Variants in PTPRN2 observed in about 807,000 individuals in gnomAD.
The protein encoded by PTPRN2 is receptor-type tyrosine-protein phosphatase N2.
A neutral mutation model predicts 118.8 loss-of-function variants in PTPRN2; 74 were observed. The observed-to-expected ratio is 0.62, with a 90% CI of 0.52 to 0.76. PTPRN2 has a LOEUF of 0.76. Ranked by LOEUF, PTPRN2 falls within the 30% of genes least tolerant of loss-of-function variation. The pLI, the probability that PTPRN2 is intolerant of heterozygous loss-of-function variation, is 0.00. For synonymous variants in PTPRN2, 641 were observed against 608.0 expected (o/e 1.05, Z -0.80); for missense variants, 1,481 against 1,394.4 (o/e 1.06, Z -0.99).
chr7:158,121,422 C>T (rs1164373436), intron 9 of PTPRN2, among the ~76,000 whole-genome samples: 1 of 152,216 alleles, frequency 6.6e-6, no homozygotes, highest in South Asian at 2.1e-4. Context: ...CTGCCTCCCC[C>T]TACAAACTGC....
Position 157,619,132 on chromosome 7 carries a change from C to A in PTPRN2, c.2344+2230G>T, listed in dbSNP as rs558868699. Among the ~76,000 whole-genome samples, 1 of 152,226 alleles carries A rather than the reference C, an allele frequency of 6.6e-6. No individual in the cohort carries two copies. The highest frequency in any genetic ancestry group is 2.1e-4 in the South Asian group (1 of 4,816). On this transcript the variant is annotated intron_variant, in intron 15 of 22. Coordinates refer to ENST00000389418, the MANE Select transcript of PTPRN2 (RefSeq NM_002847.5). The surrounding 1 kb of genome is among the most constrained non-coding windows in gnomAD (Gnocchi z 5.3). ...ACTAGGTCCCTCGCCCCCAACCCCCCCATCCACACTGTACAGACAGAGCCC... is the reference window on the plus strand; with the variant it reads ...ACTAGGTCCCTCGCCCCCAACCCCCACATCCACACTGTACAGACAGAGCCC...
chr7:157,873,950 CTT>C (rs1795552359), intron 12 of PTPRN2, among the ~76,000 whole-genome samples: 4 of 152,180 alleles, frequency 2.6e-5, no homozygotes. Flanking sequence ...GTCCCACTGA[CTT>C]TGACGGCTCT....
At chr7:157,943,570 C>T (rs1406655426) in intron 11 of PTPRN2, among the ~76,000 whole-genome samples, 1 of 151,940 alleles carries the variant, frequency 6.6e-6, no homozygotes, top group African/African-American at 2.4e-5. Context: ...CCCCAGATGC[C>T]CAGACTCCCT....
chr7:158,135,029 C>G (rs373552150), intron 8 of PTPRN2, among the ~76,000 whole-genome samples: 48 of 152,278 alleles, frequency 3.2e-4, no homozygotes, highest in Middle Eastern at 3.4e-3. Context: ...TAGGAAAGAC[C>G]GGGTCTGCTC....
At chr7:158,444,372 A>G (rs1817583017) in intron 2 of PTPRN2, among the ~76,000 whole-genome samples, 1 of 152,192 alleles carries the variant, frequency 6.6e-6, no homozygotes, top group Non-Finnish European at 1.5e-5. Context: ...CTGGGTCCCC[A>G]AGTCCCCACC....
rs1796674541 is a variant in PTPRN2 at position 157,676,477 on chromosome 7, G to T, written c.2001+6248C>A. Among the ~76,000 whole-genome samples, 1 of 152,200 alleles carries T rather than the reference G, an allele frequency of 6.6e-6. No homozygotes were observed. Among genetic ancestry groups the T allele is most frequent in the African/African-American group, 2.4e-5 (1 of 41,448 alleles). On this transcript the variant is annotated intron_variant, in intron 13 of 22. Coordinates refer to ENST00000389418, the MANE Select transcript of PTPRN2 (RefSeq NM_002847.5). The surrounding 1 kb of genome is among the most constrained non-coding windows in gnomAD (Gnocchi z 5.6). ...CCTCATCTCCAAGAAATCATCAACC[G>T]AGAAAAGAAAGGATGTCACCTTTTC...
At chr7:157,582,446 GC>G (rs1800443923) in intron 17 of PTPRN2, among the ~76,000 whole-genome samples, 1 of 152,206 alleles carries the variant, frequency 6.6e-6, no homozygotes, top group African/African-American at 2.4e-5. Context: ...CAAAACCACA[GC>G]GCACTGGCAC....
Position 157,849,796 on chromosome 7 carries a change from C to T in PTPRN2, c.1788+48877G>A, listed in dbSNP as rs1245986858. On this transcript the variant is annotated intron_variant, in intron 12 of 22. Transcript: ENST00000389418. ...CCACAGCTCATGGCCAGGTCTCACT[C>T]AGTGACCACATCTAAGCACAGGGGA... 2.0e-5 allele frequency among the ~76,000 whole-genome samples: 3 copies of T among 152,176 alleles called. No homozygotes were observed. The East Asian group carries it at 5.8e-4, about 29-fold the overall frequency.
chr7:157,728,423 T>C (rs764835048), intron 12 of PTPRN2, among the ~76,000 whole-genome samples: 7 of 152,206 alleles, frequency 4.6e-5, no homozygotes, highest in South Asian at 2.1e-4. Context: ...CTGGCGCCCA[T>C]GGCGGCTGGG....
At chr7:158,125,240 C>T (rs1191744261) in intron 9 of PTPRN2, among the ~76,000 whole-genome samples, 1 of 149,952 alleles carries the variant, frequency 6.7e-6, no homozygotes, top group Non-Finnish European at 1.5e-5. Context: ...CCCCCTGTCT[C>T]GAGTCCCTCC....
chr7:158,247,333 G>T (rs569740845), intron 3 of PTPRN2, among the ~76,000 whole-genome samples: 1 of 152,214 alleles, frequency 6.6e-6, no homozygotes, highest in Non-Finnish European at 1.5e-5. Context: ...GGAGAAGGCC[G>T]TGATGGGAGG....
At chr7:158,472,253 T>C (rs564919926) in intron 2 of PTPRN2, among the ~76,000 whole-genome samples, 2 of 152,170 alleles carry the variant, frequency 1.3e-5, no homozygotes, top group Non-Finnish European at 2.9e-5. Context: ...CGTGGGCCTT[T>C]GAGAAGCCGA....
At chr7:158,202,605 G>A (rs1321850572) in intron 4 of PTPRN2, among the ~76,000 whole-genome samples, 1 of 152,192 alleles carries the variant, frequency 6.6e-6, no homozygotes, top group East Asian at 1.9e-4. Context: ...CAGGGGAAGG[G>A]AGTGTGGAGG....
At chr7:157,793,653 C>T (rs1165371244) in intron 12 of PTPRN2, among the ~76,000 whole-genome samples, 3 of 152,200 alleles carry the variant, frequency 2.0e-5, no homozygotes, top group Non-Finnish European at 2.9e-5. Flanking sequence ...GTGGAAAACA[C>T]GTTGGCTTCT....
chr7:158,436,619 C>T (rs1207486941), intron 2 of PTPRN2, among the ~76,000 whole-genome samples: 3 of 152,186 alleles, frequency 2.0e-5, no homozygotes, highest in Non-Finnish European at 4.4e-5. Flanking sequence ...GATGGAGTCT[C>T]TCAAGTTCTG....
intron 3 of PTPRN2, among the ~76,000 whole-genome samples, chr7:158,227,548 G>A (rs773783295): frequency 1.1e-4 from 17 of 152,166 alleles, no homozygotes; most frequent in Non-Finnish European, 1.6e-4. Context: ...TCGGGGAAAG[G>A]CGGTGGTCAG....
At chr7:158,016,469 T>C (rs945091527) in intron 11 of PTPRN2, among the ~76,000 whole-genome samples, 1 of 152,244 alleles carries the variant, frequency 6.6e-6, no homozygotes, top group Non-Finnish European at 1.5e-5. Context: ...CCAGCATGGC[T>C]GACTTCCTCT....
chr7:158,425,632 G>T (rs566391070), intron 2 of PTPRN2, among the ~76,000 whole-genome samples: 1 of 114,412 alleles, frequency 8.7e-6, no homozygotes, highest in African/African-American at 3.9e-5. Context: ...GTCCAGCCTA[G>T]CTGAGGCCTG....
intron 11 of PTPRN2, among the ~76,000 whole-genome samples, chr7:157,930,710 C>A (rs1008400931): frequency 6.6e-6 from 1 of 152,222 alleles, no homozygotes; most frequent in South Asian, 2.1e-4. Flanking sequence ...GGCAGGTAAG[C>A]GGGCAGCTTC....
Sources: gnomAD v4.1 joint callset for allele counts (sites outside exome capture counted in the v4.1 genomes callset) on GRCh38, gnomAD v4.1.1 for gene constraint, Gnocchi (gnomAD v3.1) non-coding constraint, MANE v1.5 for transcripts, NCBI Gene and HGNC (gene_info 2026-07-23, HGNC 2026-07-21) for gene names.